The following OSBPL10 variants were observed in gnomAD, a reference collection of about 807,000 sequenced individuals.
OSBPL10 encodes the protein oxysterol binding protein like 10, also known as oxysterol-binding protein-related protein 10.
In OSBPL10, 49 loss-of-function variants were observed where a neutral mutation model predicts 81.7. That is an observed-to-expected ratio of 0.60 (90% confidence interval 0.48 to 0.76). The LOEUF (loss-of-function observed/expected upper bound fraction) is 0.76, where lower values mean the gene tolerates loss of function less well. OSBPL10 is among the 30% of genes least tolerant of loss of function. The probability of loss-of-function intolerance (pLI) is 0.00; values close to 1 mark genes in which losing one functional copy is unlikely to be tolerated. For missense variants in OSBPL10, 923 were observed against 987.8 expected (o/e 0.93, Z 0.88); for synonymous variants, 419 against 383.6 (o/e 1.09, Z -1.08).
At chr3:31,983,273 C>G (rs1432691450), upstream of OSBPL10, among the ~76,000 whole-genome samples, 1 of 152,214 alleles carries the variant, frequency 6.6e-6, no homozygotes, top group Admixed American at 6.5e-5. Flanking sequence ...TAAATGTCAG[C>G]ATTATGTACC....
intron 4 of OSBPL10, among the ~76,000 whole-genome samples, chr3:31,818,400 C>T (rs936451692): frequency 6.6e-6 from 1 of 152,194 alleles, no homozygotes; most frequent in Non-Finnish European, 1.5e-5. Flanking sequence ...CCAAATTCCG[C>T]GAACCAATTC....
chr3:31,965,085 A>T lies in OSBPL10; in HGVS notation c.281+15814T>A, dbSNP rs991438738. Among the ~76,000 whole-genome samples, 13 of 152,180 alleles carry T rather than the reference A, an allele frequency of 8.5e-5. No individual in the cohort carries two copies. In the East Asian group the frequency reaches 1.4e-3, roughly 16 times the overall value. On this transcript the variant is annotated intron_variant, in intron 1 of 11. Transcript: ENST00000396556. ...GATAGAACATATTCAATGTCATAAA[A>T]CAACCCTTAAAAAATGTAGGCCAGG...
intron 1 of OSBPL10, among the ~76,000 whole-genome samples, chr3:31,912,264 GAT>G (rs1443721217): frequency 1.3e-5 from 2 of 151,950 alleles, no homozygotes; most frequent in East Asian, 3.9e-4. Flanking sequence ...CGTGGTGGTG[GAT>G]GCCTGTAATC....
At chr3:31,997,347 C>G (rs765736759) in intron 2 of OSBPL10, among the ~76,000 whole-genome samples, 1 of 151,610 alleles carries the variant, frequency 6.6e-6, no homozygotes, top group Non-Finnish European at 1.5e-5. Flanking sequence ...TCACTGCAAC[C>G]TCCGCCTCCT....
At chr3:31,999,150 A>G (rs1430535071) in intron 2 of OSBPL10, among the ~76,000 whole-genome samples, 1 of 152,150 alleles carries the variant, frequency 6.6e-6, no homozygotes, top group Non-Finnish European at 1.5e-5. Context: ...TCTGGAGGGC[A>G]TCACTGTAAC....
intron 3 of OSBPL10, among the ~76,000 whole-genome samples, chr3:31,871,327 A>G (rs1701320126): frequency 6.6e-6 from 1 of 152,118 alleles, no homozygotes; most frequent in South Asian, 2.1e-4. Context: ...TGTAACACTC[A>G]CTACGAAGGA....
chr3:31,964,435 G>GC (rs372370732), intron 1 of OSBPL10, among the ~76,000 whole-genome samples: 1 of 152,130 alleles, frequency 6.6e-6, no homozygotes, highest in African/African-American at 2.4e-5. Context: ...GGGATTACAG[G>GC]CGTCAGCCAT....
At chr3:31,927,003 C>T (rs937953887) in intron 1 of OSBPL10, among the ~76,000 whole-genome samples, 1 of 151,986 alleles carries the variant, frequency 6.6e-6, no homozygotes, top group Non-Finnish European at 1.5e-5. Context: ...CCCAGCTACT[C>T]GGGAGACTGA....
At chr3:31,743,138 T>G (rs554241114) in intron 5 of OSBPL10, among the ~76,000 whole-genome samples, 1 of 143,634 alleles carries the variant, frequency 7.0e-6, no homozygotes, top group East Asian at 2.2e-4. Context: ...CCTCCAGGGT[T>G]CAAGCGAATC....
intron 1 of OSBPL10, among the ~76,000 whole-genome samples, chr3:31,941,720 T>C (rs1697540311): frequency 6.6e-6 from 1 of 152,194 alleles, no homozygotes; most frequent in Non-Finnish European, 1.5e-5. Context: ...CCATCTTTCC[T>C]TTGAAAGGGA....
chr3:31,673,606 T>G (rs1323388849), intron 8 of OSBPL10, among the ~76,000 whole-genome samples: 7 of 152,156 alleles, frequency 4.6e-5, no homozygotes, highest in Admixed American at 2.0e-4. Context: ...GATAGTCCAC[T>G]GCCACCCTCC....
At chr3:31,666,532 A>G (rs1700194521) in intron 10 of OSBPL10, among the ~76,000 whole-genome samples, 1 of 152,194 alleles carries the variant, frequency 6.6e-6, no homozygotes, top group Non-Finnish European at 1.5e-5. Flanking sequence ...TGCTCTGAGC[A>G]GCCACGGAGA....
intron 1 of OSBPL10, among the ~76,000 whole-genome samples, chr3:31,903,537 C>G (rs1397652792): frequency 6.6e-6 from 1 of 152,090 alleles, no homozygotes; most frequent in Non-Finnish European, 1.5e-5. Flanking sequence ...CACTATGTTA[C>G]CCAGGCTGGT....
upstream of OSBPL10, among the ~76,000 whole-genome samples, chr3:31,983,532 C>A (rs1698891721): frequency 6.6e-6 from 1 of 152,192 alleles, no homozygotes; most frequent in South Asian, 2.1e-4. Flanking sequence ...GGGGCAGGAG[C>A]AAGCCAGCCG....
At chr3:31,721,591 T>C (rs890837555) in intron 6 of OSBPL10, 2 of 152,220 alleles carry the variant, frequency 1.3e-5, no homozygotes, top group African/African-American at 4.8e-5. Flanking sequence ...TTTGAATAAG[T>C]TATTAGTGGA....
chr3:31,807,960 A>G (rs951370725), intron 4 of OSBPL10, among the ~76,000 whole-genome samples: 6 of 152,218 alleles, frequency 3.9e-5, no homozygotes, highest in African/African-American at 1.4e-4. Context: ...TGACTTATTA[A>G]TAACTTCAAC....
intron 1 of OSBPL10, among the ~76,000 whole-genome samples, chr3:31,929,563 C>A (rs538669069): frequency 4.9e-4 from 74 of 151,676 alleles, no homozygotes; most frequent in Non-Finnish European, 9.1e-4. Context: ...CTGGCTAACA[C>A]AGTGAAACCC....
intron 4 of OSBPL10, among the ~76,000 whole-genome samples, chr3:31,790,677 G>C (rs939624921): frequency 2.0e-5 from 3 of 152,140 alleles, no homozygotes; most frequent in Non-Finnish European, 4.4e-5. Flanking sequence ...GCCAATCCTT[G>C]AGGTCTGACC....
chr3:31,762,630 A>ATTTTTTTTTTTTTTTTTTTGT (rs1698083079), intron 4 of OSBPL10, among the ~76,000 whole-genome samples: 1 of 61,514 alleles, frequency 1.6e-5, no homozygotes, highest in East Asian at 5.4e-4. Flanking sequence ...CATGCCCAGC[A>ATTTTTTTTTTTTTTTTTTTGT]TTTTTTTTTT....
Sources: gnomAD v4.1 joint callset for allele counts (sites outside exome capture counted in the v4.1 genomes callset) on GRCh38, gnomAD v4.1.1 for gene constraint, MANE v1.5 for transcripts, NCBI Gene and HGNC (gene_info 2026-07-23, HGNC 2026-07-21) for gene names.